Variants in NAALAD2 observed in about 807,000 individuals in gnomAD.
NAALAD2 encodes N-acetylated alpha-linked acidic dipeptidase 2.
NAALAD2 carries 89 observed loss-of-function variants against 95.6 expected under a neutral mutation model. The ratio of observed to expected loss-of-function variants is 0.93; its 90% CI spans 0.78 to 1.11. NAALAD2 has a LOEUF of 1.11. Among genes scored for constraint, NAALAD2 ranks in the 50% least tolerant of loss-of-function variants. The pLI, the probability that NAALAD2 is intolerant of heterozygous loss-of-function variation, is 0.00. For missense variants in NAALAD2, 894 were observed against 872.4 expected (o/e 1.02, Z -0.31); for synonymous variants, 264 against 294.4 (o/e 0.90, Z 1.06).
chr11:90,144,740 T>TAAAAA lies in NAALAD2; in HGVS notation c.195-2579_195-2575dup, dbSNP rs773275468. Reference sequence around the variant, plus strand: ...CTGGGCAACAAGAGCAAAACTCCATTAAAAAAAAAAAAAAACGGAAAAGAA... The same window carrying TAAAAA: ...CTGGGCAACAAGAGCAAAACTCCATTAAAAAAAAAAAAAAAAAAAACGGAAAAGAA... On this transcript the variant is annotated intron_variant, in intron 2 of 18. Coordinates refer to ENST00000534061, the MANE Select transcript of NAALAD2 (RefSeq NM_005467.4). 1.8e-3 allele frequency among the ~76,000 whole-genome samples: 162 copies of TAAAAA among 90,908 alleles called. 3 individuals are homozygous for TAAAAA. Among genetic ancestry groups the TAAAAA allele is most frequent in the African/African-American group, 7.0e-3 (143 of 20,290 alleles). The allele number at this position is 90,908 out of a possible 152,430, so 59.6% of individuals were successfully genotyped here. A position where few individuals can be genotyped will look rare whatever the true frequency, so the allele number is the denominator to read the frequency against.
chr11:90,187,625 TA>T (rs1433323747), intron 18 of NAALAD2, among the ~76,000 whole-genome samples: 1 of 152,320 alleles, frequency 6.6e-6, no homozygotes, highest in East Asian at 1.9e-4. Flanking sequence ...ATTTCAAAAT[TA>T]TTTTTTCCTC....
chr11:90,170,245 A>C (rs1032085594), intron 13 of NAALAD2, 109 bp downstream of exon 13: 10 of 739,080 alleles, frequency 1.4e-5, no homozygotes, highest in Non-Finnish European at 2.2e-5. Context: ...GAGAGAACAT[A>C]ATAGAATCAT....
rs1213699511 is a variant in NAALAD2 at position 90,158,135 on chromosome 11, A to AT, written c.797-3dup. 3.2e-6 allele frequency: 5 copies of AT among 1,583,894 alleles called. No homozygotes were observed. Among genetic ancestry groups the AT allele is most frequent in the Admixed American group, 3.5e-5 (2 of 57,812 alleles). Reference sequence around the variant, plus strand: ...AAATTGTTTTCATTTTATGCATTTGATTTTTTTAGAATACACTTTCAGACT... The same window carrying AT: ...AAATTGTTTTCATTTTATGCATTTGATTTTTTTTAGAATACACTTTCAGACT... On this transcript the variant is annotated splice_polypyrimidine_tract_variant and intron_variant, in intron 6 of 18. Transcript: ENST00000534061.
At chr11:90,173,150 T>C (rs1168530962) in intron 13 of NAALAD2, among the ~76,000 whole-genome samples, 1 of 152,138 alleles carries the variant, frequency 6.6e-6, no homozygotes, top group African/African-American at 2.4e-5. Context: ...AGTTTGTAAA[T>C]GTATTTTTAA....
chr11:90,142,544 T>A (rs1951645522), intron 2 of NAALAD2, among the ~76,000 whole-genome samples: 2 of 152,178 alleles, frequency 1.3e-5, no homozygotes, highest in Admixed American at 1.3e-4. Flanking sequence ...TTCATTAGAA[T>A]TAAAATGTAC....
chr11:90,177,794 A>T, intron 15 of NAALAD2, 59 bp from the exon 16 acceptor site: 1 of 1,458,316 alleles, frequency 6.9e-7, no homozygotes, highest in Non-Finnish European at 9.3e-7. Context: ...CTTACATAAA[A>T]ATATTATAAC....
intron 18 of NAALAD2, among the ~76,000 whole-genome samples, chr11:90,184,931 C>G (rs1857089436): frequency 6.6e-6 from 1 of 152,046 alleles, no homozygotes; most frequent in African/African-American, 2.4e-5. Flanking sequence ...TCCCTAAATA[C>G]AGTAAACAAC....
At chr11:90,184,068 T>C (rs990722778) in intron 18 of NAALAD2, among the ~76,000 whole-genome samples, 2 of 152,154 alleles carry the variant, frequency 1.3e-5, no homozygotes, top group African/African-American at 2.4e-5. Flanking sequence ...ATCTATATTC[T>C]AGTTCACTTG....
chr11:90,171,694 C>A (rs1353791554), intron 13 of NAALAD2, among the ~76,000 whole-genome samples: 3 of 152,130 alleles, frequency 2.0e-5, no homozygotes, highest in Non-Finnish European at 4.4e-5. Context: ...CTGATTATTA[C>A]AATTTTATTA....
intron 6 of NAALAD2, among the ~76,000 whole-genome samples, chr11:90,154,733 C>T (rs925749237): frequency 1.3e-5 from 2 of 150,370 alleles, no homozygotes; most frequent in African/African-American, 4.9e-5. Context: ...GTAGAATTCT[C>T]CAGGGATCTA....
chr11:90,189,093 G>A (rs1372821525), intron 18 of NAALAD2, among the ~76,000 whole-genome samples: 1 of 152,164 alleles, frequency 6.6e-6, no homozygotes, highest in Non-Finnish European at 1.5e-5. Flanking sequence ...GTAAGAGGCA[G>A]GCAGGAGAGA....
Position 90,165,157 on chromosome 11 carries a change from T to C in NAALAD2, c.1278+1540T>C, listed in dbSNP as rs549810647. 1.1e-4 allele frequency among the ~76,000 whole-genome samples: 16 copies of C among 152,322 alleles called. No individual in the cohort carries two copies. In the South Asian group the frequency reaches 3.1e-3, roughly 30 times the overall value. ...CCTGCAAACAACATAGTCTCATCATTTTTTACGACTGTGTAGTATTCCAAG... is the reference window on the plus strand; with the variant it reads ...CCTGCAAACAACATAGTCTCATCATCTTTTACGACTGTGTAGTATTCCAAG... On this transcript the variant is annotated intron_variant, in intron 11 of 18. Transcript: ENST00000534061.
intron 15 of NAALAD2, among the ~76,000 whole-genome samples, chr11:90,176,853 C>G (rs183522841): frequency 6.6e-4 from 101 of 152,176 alleles, no homozygotes; most frequent in African/African-American, 2.2e-3. Context: ...AAAAGCAACC[C>G]CAGAGTAACC....
chr11:90,170,984 A>G (rs1259494440), intron 13 of NAALAD2, among the ~76,000 whole-genome samples: 1 of 152,194 alleles, frequency 6.6e-6, no homozygotes, highest in African/African-American at 2.4e-5. Flanking sequence ...AAGGTTGTTC[A>G]TTGTTTTATG....
chr11:90,191,180 G>A (rs1026287929), intron 18 of NAALAD2, among the ~76,000 whole-genome samples: 2 of 151,940 alleles, frequency 1.3e-5, no homozygotes, highest in African/African-American at 4.8e-5. Context: ...ATTTTTAAAA[G>A]GCAACACAAA....
intron 13 of NAALAD2, among the ~76,000 whole-genome samples, chr11:90,172,993 C>T (rs1372637191): frequency 1.3e-5 from 2 of 152,030 alleles, no homozygotes; most frequent in Non-Finnish European, 2.9e-5. Context: ...TTGAGCAAAT[C>T]AGTGTTATAA....
intron 11 of NAALAD2, among the ~76,000 whole-genome samples, chr11:90,167,167 C>T (rs1454076744): frequency 3.9e-5 from 6 of 152,172 alleles, no homozygotes; most frequent in Non-Finnish European, 1.5e-5. Context: ...AGCCGGCTCC[C>T]TCAGCTTGCT....
At chr11:90,183,328 TC>T (rs10714253) in intron 18 of NAALAD2, among the ~76,000 whole-genome samples, 1,582 of 152,284 alleles carry the variant, frequency 0.01, 28 homozygotes, top group African/African-American at 0.036. Context: ...TTTTATAGAA[TC>T]TCAGATAAAT....
At chr11:90,172,437 AG>A (rs1952671300) in intron 13 of NAALAD2, among the ~76,000 whole-genome samples, 1 of 152,172 alleles carries the variant, frequency 6.6e-6, no homozygotes, top group Non-Finnish European at 1.5e-5. Flanking sequence ...TTGTGTTATC[AG>A]TAGACACAAC....
Sources: gnomAD v4.1 joint callset for allele counts (sites outside exome capture counted in the v4.1 genomes callset) on GRCh38, gnomAD v4.1.1 for gene constraint, MANE v1.5 for transcripts, NCBI Gene and HGNC (gene_info 2026-07-23, HGNC 2026-07-21) for gene names.